The following TEX26 variants were observed in gnomAD, a reference collection of about 807,000 sequenced individuals.
TEX26 encodes testis-expressed protein 26.
Under a neutral mutation model 35.3 loss-of-function variants are expected in TEX26, and 34 were observed. The ratio of observed to expected loss-of-function variants is 0.96; its 90% CI spans 0.73 to 1.28. The LOEUF is 1.28. TEX26 is among the 50% of genes most tolerant of loss of function. The pLI is 0.00. For synonymous variants in TEX26, 136 were observed against 111.8 expected (o/e 1.22, Z -1.36); for missense variants, 371 against 330.1 (o/e 1.12, Z -0.96).
chr13:30,969,644 G>C (rs1376471080), intron 6 of TEX26, among the ~76,000 whole-genome samples: 2 of 152,156 alleles, frequency 1.3e-5, no homozygotes, highest in Non-Finnish European at 2.9e-5. Flanking sequence ...AAGAGCGCTT[G>C]AGGAGAGGAA....
chr13:30,958,126 G>A (rs545003566), intron 4 of TEX26, among the ~76,000 whole-genome samples: 12 of 152,282 alleles, frequency 7.9e-5, no homozygotes, highest in Middle Eastern at 3.4e-3. Context: ...ACCTGGCTCT[G>A]CCCTTAGGGC....
chr13:30,950,907 G>A (rs1179901083), intron 2 of TEX26, among the ~76,000 whole-genome samples: 1 of 152,242 alleles, frequency 6.6e-6, no homozygotes, highest in Non-Finnish European at 1.5e-5. Context: ...AAATGGGGAA[G>A]GGAGAATCAG....
chr13:30,974,805 T>C, intron 6 of TEX26, 41 bp from the exon 7 acceptor site: 2 of 1,505,622 alleles, frequency 1.3e-6, no homozygotes, highest in Middle Eastern at 1.7e-4. Flanking sequence ...TTTAAATACT[T>C]ACGTGAAAAT....
intron 2 of TEX26, among the ~76,000 whole-genome samples, chr13:30,950,578 TC>T (rs920048451): frequency 6.6e-6 from 1 of 152,128 alleles, no homozygotes; most frequent in African/African-American, 2.4e-5. Context: ...CAGAGGCCTC[TC>T]CCTAAAAAGA....
chr13:30,974,129 A>ATATATATATATAT (rs1555271800), intron 6 of TEX26, among the ~76,000 whole-genome samples: 2 of 79,028 alleles, frequency 2.5e-5, no homozygotes, highest in African/African-American at 8.9e-5. Context: ...TAAAAAAAAA[A>ATATATATATATAT]AAATATATAT....
intron 2 of TEX26, among the ~76,000 whole-genome samples, chr13:30,949,650 T>A (rs1025378306): frequency 1.3e-5 from 2 of 151,918 alleles, no homozygotes; most frequent in Non-Finnish European, 2.9e-5. Context: ...TTTATTGCAT[T>A]ATATCCAAAA....
intron 6 of TEX26, among the ~76,000 whole-genome samples, chr13:30,971,219 T>C (rs1954700539): frequency 6.6e-6 from 1 of 152,230 alleles, no homozygotes; most frequent in Non-Finnish European, 1.5e-5. Flanking sequence ...CATTTTCTTG[T>C]GTCAGGCATG....
Position 30,939,788 on chromosome 13 carries a change from T to C in TEX26, c.146+10T>C. 1 of 1,610,204 alleles carries C rather than the reference T, an allele frequency of 6.2e-7. No individual in the cohort carries two copies. The highest frequency in any genetic ancestry group is 8.5e-7 in the Non-Finnish European group (1 of 1,176,556). On this transcript the variant is annotated intron_variant, in intron 2 of 6. Coordinates refer to ENST00000380473, the MANE Select transcript of TEX26 (RefSeq NM_152325.3). ...TGCCTGCCTTAATTCGGTAGATCATTATTTGTGTTGGATTGATATACATGT... is the reference window on the plus strand; with the variant it reads ...TGCCTGCCTTAATTCGGTAGATCATCATTTGTGTTGGATTGATATACATGT...
chr13:30,934,029 C>A (rs879810293), intron 1 of TEX26, among the ~76,000 whole-genome samples: 5 of 152,220 alleles, frequency 3.3e-5, no homozygotes, highest in Admixed American at 2.0e-4. Flanking sequence ...CAGACAGTTC[C>A]ATGTGGGTGT....
intron 2 of TEX26, among the ~76,000 whole-genome samples, chr13:30,941,599 G>C (rs191028299): frequency 6.6e-6 from 1 of 152,282 alleles, no homozygotes; most frequent in East Asian, 1.9e-4. Flanking sequence ...AACTAAAGTA[G>C]TGTACATTGT....
intron 3 of TEX26, among the ~76,000 whole-genome samples, chr13:30,953,988 G>C (rs913673357): frequency 1.3e-5 from 2 of 152,168 alleles, no homozygotes; most frequent in African/African-American, 4.8e-5. Flanking sequence ...TGGACAGCTG[G>C]TGTATGCAGA....
intron 3 of TEX26, among the ~76,000 whole-genome samples, chr13:30,954,315 CACA>C: frequency 8.8e-6 from 1 of 113,756 alleles, no homozygotes; most frequent in East Asian, 2.4e-4. Context: ...CACACACACA[CACA>C]CATATATGTA....
intron 2 of TEX26, among the ~76,000 whole-genome samples, chr13:30,950,329 C>G (rs1179146272): frequency 6.6e-6 from 1 of 152,032 alleles, no homozygotes; most frequent in Admixed American, 6.6e-5. Flanking sequence ...TTGCTTGAAC[C>G]CAGGAAGTGG....
intron 4 of TEX26, among the ~76,000 whole-genome samples, chr13:30,963,172 G>A (rs1009162365): frequency 9.9e-5 from 15 of 152,024 alleles, no homozygotes; most frequent in Non-Finnish European, 2.2e-4. Flanking sequence ...CTTACTTTTG[G>A]TTTGGGCCTT....
At chr13:30,948,481 T>C (rs1953799600) in intron 2 of TEX26, among the ~76,000 whole-genome samples, 2 of 152,210 alleles carry the variant, frequency 1.3e-5, no homozygotes, top group African/African-American at 4.8e-5. Context: ...TGCATTTCTC[T>C]GATGGCCAGT....
chr13:30,964,399 G>A (rs1178787358), intron 4 of TEX26, among the ~76,000 whole-genome samples: 1 of 152,194 alleles, frequency 6.6e-6, no homozygotes, highest in Non-Finnish European at 1.5e-5. Context: ...TGTTTGTTCT[G>A]TAGATATCTT....
intron 2 of TEX26, among the ~76,000 whole-genome samples, chr13:30,949,767 G>T (rs946870010): frequency 6.6e-6 from 1 of 151,978 alleles, no homozygotes; most frequent in Non-Finnish European, 1.5e-5. Flanking sequence ...ATAGAATTCT[G>T]CTGCTTTCCT....
At chr13:30,968,360 G>A (rs58355853) in intron 5 of TEX26, among the ~76,000 whole-genome samples, 5 of 152,158 alleles carry the variant, frequency 3.3e-5, no homozygotes, top group East Asian at 3.9e-4. Flanking sequence ...AAGTCCGATC[G>A]TAGTTAATCT....
chr13:30,968,410 C>T (rs1237448850), intron 5 of TEX26, among the ~76,000 whole-genome samples: 2 of 152,200 alleles, frequency 1.3e-5, no homozygotes, highest in African/African-American at 2.4e-5. Flanking sequence ...GAAAGCCAGG[C>T]TTCATCAGTG....
Sources: allele counts gnomAD v4.1 joint callset (sites outside exome capture counted in the v4.1 genomes callset), GRCh38; gene constraint gnomAD v4.1.1; transcripts MANE v1.5; gene names NCBI Gene and HGNC (gene_info 2026-07-23, HGNC 2026-07-21).